Variants in GTF2A1L observed in about 807,000 individuals in gnomAD.
GTF2A1L encodes the protein general transcription factor IIA subunit 1 like.
A neutral mutation model predicts 49.7 loss-of-function variants in GTF2A1L; 48 were observed. The observed-to-expected ratio is 0.97, with a 90% confidence interval of 0.77 to 1.23. The LOEUF (loss-of-function observed/expected upper bound fraction) is 1.23, where lower values mean the gene tolerates loss of function less well. Ranked by LOEUF, GTF2A1L falls within the 50% of genes most tolerant of loss-of-function variation. The probability of loss-of-function intolerance (pLI) is 0.00; values close to 1 mark genes in which losing one functional copy is unlikely to be tolerated. For synonymous variants in GTF2A1L, 246 were observed against 193.5 expected, an observed-to-expected ratio of 1.27 and a Z score of -2.25; for missense variants, 736 against 564.8, an observed-to-expected ratio of 1.30 and a Z score of -3.07.
At chr2:48,624,093 T>C (rs1676169432) in intron 3 of GTF2A1L, among the ~76,000 whole-genome samples, 1 of 145,832 alleles carries the variant, frequency 6.9e-6, no homozygotes, top group Non-Finnish European at 1.5e-5. Flanking sequence ...GTTCTTCGTT[T>C]TTTATTTGTG....
rs1215954624 is a variant in GTF2A1L, at chr2:48,646,395, G to C, written c.389-58G>C. 8.2e-6 allele frequency: 11 copies of C among 1,345,776 alleles called. 1 individual carries two copies. 83.4% of individuals were successfully genotyped at this position (1,345,776 alleles called of 1,614,324 possible). ...GAGATTTTTTTTTTTTTTTGTGGTG[G>C]TTGTCAAAGGAAATTTTAATTCTAT... On this transcript the variant is annotated intron_variant, in intron 5 of 8. Transcript: ENST00000403751.
chr2:48,625,396 T>G (rs1345474578), intron 3 of GTF2A1L, among the ~76,000 whole-genome samples: 4 of 144,268 alleles, frequency 2.8e-5, no homozygotes, highest in East Asian at 3.9e-4. Context: ...TTGCCAATTT[T>G]TGAAAAGGTT....
chr2:48,679,048 G>A (rs1350210057), intron 8 of GTF2A1L, among the ~76,000 whole-genome samples: 1 of 53,830 alleles, frequency 1.9e-5, no homozygotes, highest in Non-Finnish European at 5.5e-5. Flanking sequence ...ACTCTTAAAA[G>A]GCAGGGATTT....
chr2:48,632,250 T>C (rs1004916961), intron 3 of GTF2A1L: 1 of 152,200 alleles, frequency 6.6e-6, no homozygotes, highest in South Asian at 2.1e-4. Flanking sequence ...TTCATCCTAG[T>C]AGTGGCTTAC....
chr2:48,621,231 C>T lies in GTF2A1L; in HGVS notation c.188C>T (p.Ser63Leu), dbSNP rs1302605262. The change falls in exon 3 of 9, where the codon TCA (serine) becomes TTA (leucine). Residue 63 changes from serine (S) to leucine (L), a missense_variant. Ser to Leu is a moderately radical substitution (Grantham distance 145, BLOSUM62 -2). Coordinates refer to ENST00000403751, the MANE Select transcript of GTF2A1L (RefSeq NM_006872.5). ...TEDFFRNSIQ[S>L]PLFTLQLPHS... ...GACTTCTTCAGAAATAGCATCCAAT[C>T]ACCTCTGTTTACTCTTCAGTTGCCG... 1.2e-6 allele frequency: 2 copies of T among 1,614,108 alleles called. No homozygotes were observed. Among genetic ancestry groups the T allele is most frequent in the Middle Eastern group, 1.6e-4 (1 of 6,062 alleles).
intron 8 of GTF2A1L, among the ~76,000 whole-genome samples, chr2:48,676,376 G>A (rs879712441): frequency 6.6e-6 from 1 of 151,646 alleles, no homozygotes; most frequent in Non-Finnish European, 1.5e-5. Flanking sequence ...TGGGATTCTG[G>A]GTCAAAGGGC....
intron 3 of GTF2A1L, 29 bp downstream of exon 3, chr2:48,621,319 T>G: frequency 6.2e-7 from 1 of 1,613,668 alleles, no homozygotes; most frequent in Non-Finnish European, 8.5e-7. Flanking sequence ...ATGAGTACTG[T>G]TAGTATCTTC....
intron 6 of GTF2A1L, among the ~76,000 whole-genome samples, chr2:48,667,166 C>T (rs60591922): frequency 0.039 from 5,918 of 150,890 alleles, 379 homozygotes; most frequent in African/African-American, 0.14. Flanking sequence ...GCTATGTTTC[C>T]AAGACTAGTC....
At chr2:48,655,013 C>T (rs1678091259) in intron 6 of GTF2A1L, among the ~76,000 whole-genome samples, 1 of 152,086 alleles carries the variant, frequency 6.6e-6, no homozygotes, top group Admixed American at 6.5e-5. Context: ...TATTAGGATG[C>T]GCTTGTCAAT....
chr2:48,666,299 A>T (rs1572767712), intron 6 of GTF2A1L, among the ~76,000 whole-genome samples: 1 of 151,388 alleles, frequency 6.6e-6, no homozygotes, highest in African/African-American at 2.4e-5. Context: ...TCTGCCTTCC[A>T]GGTTCAAGCA....
At chr2:48,662,609 T>C (rs913721012) in intron 6 of GTF2A1L, among the ~76,000 whole-genome samples, 1 of 151,906 alleles carries the variant, frequency 6.6e-6, no homozygotes, top group Non-Finnish European at 1.5e-5. Flanking sequence ...CCCTCCCTTA[T>C]TGTTGAAAGA....
chr2:48,640,459 T>G (rs780496805), intron 3 of GTF2A1L, among the ~76,000 whole-genome samples: 6 of 152,052 alleles, frequency 3.9e-5, no homozygotes, highest in Non-Finnish European at 5.9e-5. Flanking sequence ...AAATACTGCA[T>G]GTTCTAAGTG....
At chr2:48,672,494 A>C (rs936736454) in intron 8 of GTF2A1L, among the ~76,000 whole-genome samples, 2 of 152,192 alleles carry the variant, frequency 1.3e-5, no homozygotes, top group African/African-American at 4.8e-5. Context: ...GCAAATGGTA[A>C]AAGTGGGTAG....
At chr2:48,647,941 C>T (rs1412792281) in intron 6 of GTF2A1L, among the ~76,000 whole-genome samples, 2 of 152,068 alleles carry the variant, frequency 1.3e-5, no homozygotes, top group Admixed American at 6.5e-5. Flanking sequence ...AAGGTTTTTG[C>T]TCCAGCTAGT....
At chr2:48,654,239 C>G (rs989079617) in intron 6 of GTF2A1L, among the ~76,000 whole-genome samples, 2 of 152,114 alleles carry the variant, frequency 1.3e-5, no homozygotes, top group African/African-American at 4.8e-5. Flanking sequence ...TTTATTTTGA[C>G]TTTCAGTCCC....
rs1677427723 is a variant in GTF2A1L at position 48,645,196 on chromosome 2, T to C, written c.388+79T>C. 25 of 1,240,996 alleles carry C rather than the reference T, an allele frequency of 2.0e-5. No homozygotes were observed. The South Asian group carries it at 3.2e-4, about 16-fold the overall frequency. The allele number at this position is 1,240,996 out of a possible 1,614,324, so 76.9% of individuals were successfully genotyped here. ...GACATTAAGCTTCATGATTTTTAAA[T>C]AAACTATATACCAGAAGTTATAAGA... On this transcript the variant is annotated intron_variant, in intron 5 of 8. Coordinates refer to ENST00000403751, the MANE Select transcript of GTF2A1L (RefSeq NM_006872.5).
At chr2:48,678,977 C>T (rs1426722731) in intron 8 of GTF2A1L, among the ~76,000 whole-genome samples, 10 of 152,040 alleles carry the variant, frequency 6.6e-5, no homozygotes, top group Admixed American at 2.6e-4. Context: ...CAAATGACAG[C>T]TTAATATTCT....
intron 6 of GTF2A1L, among the ~76,000 whole-genome samples, chr2:48,665,175 G>T (rs957327001): frequency 6.6e-6 from 1 of 152,072 alleles, no homozygotes; most frequent in Non-Finnish European, 1.5e-5. Context: ...GCCTGCCTTG[G>T]CCTCCTAAAG....
intron 4 of GTF2A1L, among the ~76,000 whole-genome samples, chr2:48,643,127 TC>T (rs1014623306): frequency 9.2e-5 from 14 of 152,172 alleles, no homozygotes; most frequent in Non-Finnish European, 1.8e-4. Context: ...AGATTTTTTT[TC>T]CCCTCTAGAA....
Sources: allele counts gnomAD v4.1 joint callset (sites outside exome capture counted in the v4.1 genomes callset), GRCh38; gene constraint gnomAD v4.1.1; transcripts MANE v1.5; gene names NCBI Gene and HGNC (gene_info 2026-07-23, HGNC 2026-07-21).